RANBP3L: variants seen among roughly 807,000 people sequenced by gnomAD.
RANBP3L encodes the protein RAN binding protein 3 like.
RANBP3L carries 56 observed loss-of-function variants against 67.2 expected under a neutral mutation model. The observed-to-expected ratio is 0.83, with a 90% confidence interval of 0.67 to 1.04. The LOEUF (loss-of-function observed/expected upper bound fraction) is 1.04, where lower values mean the gene tolerates loss of function less well. RANBP3L is among the 50% of genes least tolerant of loss of function. The probability of loss-of-function intolerance (pLI) is 0.00; values close to 1 mark genes in which losing one functional copy is unlikely to be tolerated. For synonymous variants in RANBP3L, 164 were observed against 181.4 expected (o/e 0.90, Z 0.77); for missense variants, 496 against 535.5 (o/e 0.93, Z 0.73).
At chr5:36,271,368 T>G in intron 1 of RANBP3L, 57 bp from the exon 2 acceptor site, 1 of 1,111,066 alleles carries the variant, frequency 9.0e-7, no homozygotes, top group Non-Finnish European at 1.3e-6. Context: ...ATTTCTTACA[T>G]CATCTAAAAA....
intron 1 of RANBP3L, among the ~76,000 whole-genome samples, chr5:36,299,333 ATATGTG>A (rs1294856486): frequency 2.3e-5 from 3 of 130,736 alleles, no homozygotes; most frequent in Non-Finnish European, 4.6e-5. Flanking sequence ...ACACATACAT[ATATGTG>A]TGTGTGTGTG....
rs1749958217 is a variant in RANBP3L at position 36,268,339 on chromosome 5, T to C, written c.268+1051A>G. 6.3e-6 allele frequency: 7 copies of C among 1,107,098 alleles called. No homozygotes were observed. The South Asian group carries it at 1.2e-4, about 19-fold the overall frequency. 68.6% of individuals were successfully genotyped at this position (1,107,098 alleles called of 1,614,324 possible). ...GTTTTGTTTTCATTTGGAGTTTTGC[T>C]GTTTTGGAAAAATTTCTGTATCACT... On this transcript the variant is annotated intron_variant, in intron 4 of 13. Transcript: ENST00000296604.
At chr5:36,296,046 G>A (rs538223791) in intron 1 of RANBP3L, among the ~76,000 whole-genome samples, 20 of 152,222 alleles carry the variant, frequency 1.3e-4, no homozygotes, top group Middle Eastern at 6.8e-3. Context: ...TAAGAGGGCG[G>A]CACACCCTGA....
At chr5:36,263,249 G>T (rs1376451430) in intron 6 of RANBP3L, among the ~76,000 whole-genome samples, 1 of 151,892 alleles carries the variant, frequency 6.6e-6, no homozygotes, top group Non-Finnish European at 1.5e-5. Context: ...TTATTCCCTA[G>T]ACCTTATAAT....
intron 1 of RANBP3L, among the ~76,000 whole-genome samples, chr5:36,287,880 G>A (rs1751439649): frequency 1.3e-5 from 2 of 152,124 alleles, no homozygotes; most frequent in Admixed American, 6.6e-5. Context: ...TGAGCTGTGG[G>A]TACTCTGCCA....
rs748387710 is a variant in RANBP3L at position 36,269,386 on chromosome 5, A to G, written c.268+4T>C. The stretch of plus-strand genomic sequence containing the variant: ...GAATAGTCAACAGTCAAGGCTATAC[A>G]TACCTCCCTGGGACTGAGAATCTGT... On this transcript the variant is annotated splice_donor_region_variant and intron_variant, in intron 4 of 13. Transcript: ENST00000296604. 21 of 1,517,188 alleles carry G rather than the reference A, an allele frequency of 1.4e-5. No homozygotes were observed. The Admixed American group carries it at 3.5e-4, about 25-fold the overall frequency. The allele number at this position is 1,517,188 out of a possible 1,614,324, so 94.0% of individuals were successfully genotyped here.
chr5:36,251,577 C>T, intron 12 of RANBP3L, 78 bp from the exon 13 acceptor site: 1 of 1,138,478 alleles, frequency 8.8e-7, no homozygotes, highest in Non-Finnish European at 1.2e-6. Context: ...TCTTTCACTA[C>T]TAATAAGGAA....
In RANBP3L at chr5:36,301,452, A is replaced by AG; in HGVS notation, c.-37dup. On this transcript the variant is annotated 5_prime_UTR_variant, in exon 1 of 14. An upstream open reading frame in the 5' UTR loses its in-frame stop. Coordinates refer to ENST00000296604, the MANE Select transcript of RANBP3L (RefSeq NM_145000.5). Reference sequence around the variant, plus strand: ...GTATGGCTGTGACTCAAGGATCACTAGGGCACCTCCTTCTCTGGCCAGTCA... The same window carrying AG: ...GTATGGCTGTGACTCAAGGATCACTAGGGGCACCTCCTTCTCTGGCCAGTCA... 2 of 1,532,122 alleles carry AG rather than the reference A, an allele frequency of 1.3e-6. No individual in the cohort carries two copies. Among genetic ancestry groups the AG allele is most frequent in the South Asian group, 2.2e-5 (2 of 89,464 alleles). The allele number at this position is 1,532,122 out of a possible 1,614,324, so 94.9% of individuals were successfully genotyped here. A position where few individuals can be genotyped will look rare whatever the true frequency, so the allele number is the denominator to read the frequency against.
rs759509502 is a variant in RANBP3L, at chr5:36,257,462, A to G, written c.764T>C (p.Leu255Ser). ...KSIPKFPVNFLSSRTDSIKNT... is the reference protein window; with the variant it reads ...KSIPKFPVNFSSSRTDSIKNT... ...AATGAAAGAATTCTTACTTGAACTT[A>G]AAAAGTTGACAGGAAATTTCGGAAT... The change falls in exon 9 of 14, where the codon TTA becomes TCA. Residue 255 changes from leucine to serine, a missense_variant. Coordinates refer to ENST00000296604, the MANE Select transcript of RANBP3L (RefSeq NM_145000.5). The G allele has an allele frequency of 6.5e-7, 1 of 1,528,612 alleles. No individual in the cohort carries two copies. The highest frequency in any genetic ancestry group is 2.3e-5 in the East Asian group (1 of 43,782). The allele number at this position is 1,528,612 out of a possible 1,614,324, so 94.7% of individuals were successfully genotyped here.
At chr5:36,260,360 CA>C (rs1276517049) in intron 8 of RANBP3L, among the ~76,000 whole-genome samples, 3,035 of 79,004 alleles carry the variant, frequency 0.038, 96 homozygotes, top group South Asian at 0.3. Flanking sequence ...GACTCTGTCT[CA>C]AAAAAAAAAA....
intron 8 of RANBP3L, among the ~76,000 whole-genome samples, chr5:36,259,175 A>G (rs1749196607): frequency 6.6e-6 from 1 of 152,240 alleles, no homozygotes; most frequent in Non-Finnish European, 1.5e-5. Context: ...GTTCACATCC[A>G]AAGGCATAGG....
At chr5:36,293,673 C>T (rs1458692769) in intron 1 of RANBP3L, among the ~76,000 whole-genome samples, 5 of 144,878 alleles carry the variant, frequency 3.5e-5, no homozygotes, top group African/African-American at 1.2e-4. Context: ...TGGTTTTTGT[C>T]GTTGGTTCTG....
chr5:36,272,748 G>A (rs150621476), intron 1 of RANBP3L, among the ~76,000 whole-genome samples: 12 of 152,086 alleles, frequency 7.9e-5, no homozygotes, highest in Non-Finnish European at 7.4e-5. Flanking sequence ...GGATTGAAGC[G>A]ATTCTCCTGC....
chr5:36,280,486 C>A (rs1476318616), intron 1 of RANBP3L, among the ~76,000 whole-genome samples: 3 of 152,186 alleles, frequency 2.0e-5, no homozygotes, highest in Non-Finnish European at 4.4e-5. Context: ...TTATTTACTT[C>A]ACTAACATCT....
rs569677118 is a variant in RANBP3L, at chr5:36,292,429, C to A, written c.91+8897G>T. Among the ~76,000 whole-genome samples the A allele has an allele frequency of 2.4e-3, 360 of 152,168 alleles. 1 individual carries two copies. Among genetic ancestry groups the A allele is most frequent in the African/African-American group, 7.5e-3 (311 of 41,502 alleles). On this transcript the variant is annotated intron_variant, in intron 1 of 13. Transcript: ENST00000296604. ...ATTAGATCCCATTTGTCAATTTTGG[C>A]TTTTGTTGCCATTGCTTTTGGTGTT...
intron 11 of RANBP3L, among the ~76,000 whole-genome samples, chr5:36,254,592 G>A (rs1449077196): frequency 6.6e-6 from 1 of 151,952 alleles, no homozygotes; most frequent in Admixed American, 6.6e-5. Flanking sequence ...TTGGTTGGGT[G>A]ATTTAGAAAT....
intron 6 of RANBP3L, among the ~76,000 whole-genome samples, chr5:36,262,339 G>A (rs1306564904): frequency 6.6e-6 from 1 of 152,074 alleles, no homozygotes; most frequent in Non-Finnish European, 1.5e-5. Context: ...ATCCCACCAT[G>A]TTTTGTTTAT....
At chr5:36,271,979 C>T (rs951907175) in intron 1 of RANBP3L, among the ~76,000 whole-genome samples, 1 of 152,096 alleles carries the variant, frequency 6.6e-6, no homozygotes, top group African/African-American at 2.4e-5. Flanking sequence ...AATATCAACG[C>T]TCCAGAATTC....
rs1748341996 is a variant in RANBP3L, at chr5:36,247,064, T to G, written c.*2590A>C. Among the ~76,000 whole-genome samples, 1 of 152,170 alleles carries G rather than the reference T, an allele frequency of 6.6e-6. No individual in the cohort carries two copies. Reference sequence around the variant, plus strand: ...TAATTAAAAACAGCTGCTTTGGAAATCCAACATGTATACTTCAAAATAATT... The same window carrying G: ...TAATTAAAAACAGCTGCTTTGGAAAGCCAACATGTATACTTCAAAATAATT... On this transcript the variant is annotated 3_prime_UTR_variant, in exon 14 of 14. Transcript: ENST00000296604.
Sources: allele counts gnomAD v4.1 joint callset (sites outside exome capture counted in the v4.1 genomes callset), GRCh38; gene constraint gnomAD v4.1.1; transcripts MANE v1.5; gene names NCBI Gene and HGNC (gene_info 2026-07-23, HGNC 2026-07-21).